ROBO2: variants seen among roughly 807,000 people sequenced by gnomAD.
ROBO2 encodes the protein roundabout homolog 2.
ROBO2 carries 53 observed loss-of-function variants against 160.8 expected under a neutral mutation model. That is an observed-to-expected ratio of 0.33 (90% CI 0.26 to 0.41). ROBO2 has a LOEUF of 0.41. Ranked by LOEUF, ROBO2 falls within the 10% of genes least tolerant of loss-of-function variation. ROBO2 has a pLI of 1.00. For missense variants in ROBO2, 1,577 were observed against 1,722.4 expected (o/e 0.92, Z 1.49); for synonymous variants, 664 against 611.7 (o/e 1.09, Z -1.26).
At chr3:76,429,450 C>T (rs2076350973) in intron 2 of ROBO2, among the ~76,000 whole-genome samples, 1 of 152,102 alleles carries the variant, frequency 6.6e-6, no homozygotes, top group Admixed American at 6.6e-5. Context: ...ATAGATAAAG[C>T]TTTTATGGCT....
chr3:75,966,406 A>T (rs892491975), intron 2 of ROBO2, among the ~76,000 whole-genome samples: 54 of 151,858 alleles, frequency 3.6e-4, no homozygotes, highest in African/African-American at 1.3e-3. Flanking sequence ...ATGTTTTTAG[A>T]TCAACAGTTT....
chr3:76,745,328 G>T (rs536731356), intron 2 of ROBO2, among the ~76,000 whole-genome samples: 1 of 152,070 alleles, frequency 6.6e-6, no homozygotes, highest in South Asian at 2.1e-4. Flanking sequence ...TTTACTCCAG[G>T]TTCTTTGATT....
intron 2 of ROBO2, among the ~76,000 whole-genome samples, chr3:76,161,915 G>A (rs1331685477): frequency 6.6e-6 from 1 of 152,140 alleles, no homozygotes; most frequent in Admixed American, 6.6e-5. Flanking sequence ...ATGAAAGGGT[G>A]ACCTTTGAAA....
At chr3:76,853,834 T>C (rs1404654120) in intron 2 of ROBO2, among the ~76,000 whole-genome samples, 1 of 152,132 alleles carries the variant, frequency 6.6e-6, no homozygotes, top group Non-Finnish European at 1.5e-5. Context: ...TAAAATTTTA[T>C]TTTTTGTGTT....
chr3:77,329,792 G>A (rs2065802584), intron 2 of ROBO2, among the ~76,000 whole-genome samples: 1 of 152,154 alleles, frequency 6.6e-6, no homozygotes, highest in South Asian at 2.1e-4. Context: ...GTGTTGACCA[G>A]ATTATAACCT....
intron 2 of ROBO2, among the ~76,000 whole-genome samples, chr3:77,166,724 A>ATT (rs559669191): frequency 2.6e-5 from 4 of 151,010 alleles, no homozygotes; most frequent in African/African-American, 9.7e-5. Context: ...CTCCCGGCTA[A>ATT]TTTTTTTTTG....
chr3:77,257,605 A>AGGGCAGTGCAGTCTGTATGT (rs1474944564), intron 2 of ROBO2, among the ~76,000 whole-genome samples: 16 of 152,232 alleles, frequency 1.1e-4, no homozygotes, highest in African/African-American at 3.9e-4. Context: ...AAAATAAAGA[A>AGGGCAGTGCAGTCTGTATGT]GGGCAGTGCA....
intron 2 of ROBO2, among the ~76,000 whole-genome samples, chr3:77,019,018 A>T (rs758081731): frequency 6.6e-6 from 1 of 152,210 alleles, no homozygotes; most frequent in Non-Finnish European, 1.5e-5. Flanking sequence ...GGTGTGGGGC[A>T]ACAAGAGCAT....
At chr3:77,099,922 A>G (rs2071665666) in intron 2 of ROBO2, among the ~76,000 whole-genome samples, 1 of 152,078 alleles carries the variant, frequency 6.6e-6, no homozygotes, top group Admixed American at 6.5e-5. Flanking sequence ...ACTCTAAATG[A>G]AATCTGGTCT....
chr3:77,461,462 A>G (rs1402730800), intron 2 of ROBO2, among the ~76,000 whole-genome samples: 1 of 152,046 alleles, frequency 6.6e-6, no homozygotes, highest in Non-Finnish European at 1.5e-5. Flanking sequence ...ACCATCAAGT[A>G]TCCTGTATGA....
chr3:76,270,235 G>A (rs528881990), intron 2 of ROBO2, among the ~76,000 whole-genome samples: 39 of 152,106 alleles, frequency 2.6e-4, no homozygotes, highest in Admixed American at 5.2e-4. Context: ...CTGCCAAAAG[G>A]AATATTTAAG....
At chr3:76,858,897 G>A (rs1246973621) in intron 2 of ROBO2, among the ~76,000 whole-genome samples, 1 of 152,180 alleles carries the variant, frequency 6.6e-6, no homozygotes, top group Non-Finnish European at 1.5e-5. Flanking sequence ...GATCTGTCCT[G>A]GAAGATAGAA....
At chr3:76,886,317 A>G (rs965019170) in intron 2 of ROBO2, among the ~76,000 whole-genome samples, 1 of 152,118 alleles carries the variant, frequency 6.6e-6, no homozygotes, top group African/African-American at 2.4e-5. Context: ...AGCTTTGGAA[A>G]AGCAAGGACA....
At chr3:77,435,304 A>G (rs966066841) in intron 2 of ROBO2, among the ~76,000 whole-genome samples, 1 of 151,998 alleles carries the variant, frequency 6.6e-6, no homozygotes, top group African/African-American at 2.4e-5. Context: ...CGAAAAAAGA[A>G]AAAACACCTC....
chr3:76,610,390 C>T (rs75417803), intron 2 of ROBO2, among the ~76,000 whole-genome samples: 1 of 152,160 alleles, frequency 6.6e-6, no homozygotes, highest in East Asian at 1.9e-4. Context: ...TCAGCAGCTC[C>T]GTGCTCAGCC....
chr3:77,497,586 G>T (rs1390094462), intron 5 of ROBO2, among the ~76,000 whole-genome samples: 1 of 152,210 alleles, frequency 6.6e-6, no homozygotes, highest in Admixed American at 6.5e-5. Context: ...ATACAGTAAA[G>T]AAGTAAATTG....
chr3:76,704,322 T>A (rs2093111811), intron 2 of ROBO2, among the ~76,000 whole-genome samples: 1 of 152,144 alleles, frequency 6.6e-6, no homozygotes, highest in Non-Finnish European at 1.5e-5. Flanking sequence ...TAATTTGAAT[T>A]TCACTTCCAA....
chr3:76,493,001 ACAGTTGAAGTATTTG>A (rs1237425093), intron 2 of ROBO2, among the ~76,000 whole-genome samples: 6 of 152,058 alleles, frequency 3.9e-5, no homozygotes, highest in Non-Finnish European at 4.4e-5. Context: ...ATAATGCCTC[ACAGTTGAAGTATTTG>A]CACTCACTGG....
rs374338351 is a variant in ROBO2, at chr3:76,105,784, G to A, written c.109+168182G>A. On this transcript the variant is annotated intron_variant, in intron 2 of 26. Coordinates refer to the ROBO2 transcript ENST00000487694. ...AGCAAACCAGAATGCGTCTCTGTGA[G>A]GGCAGCTGAGTCCAATAAGGAGAAG... Among the ~76,000 whole-genome samples, 14 of 152,088 alleles carry A rather than the reference G, an allele frequency of 9.2e-5. No individual in the cohort carries two copies. In the East Asian group the frequency reaches 2.7e-3, roughly 29 times the overall value.
Sources: allele counts gnomAD v4.1 joint callset (sites outside exome capture counted in the v4.1 genomes callset), GRCh38; gene constraint gnomAD v4.1.1; transcripts MANE v1.5; gene names NCBI Gene and HGNC (gene_info 2026-07-23, HGNC 2026-07-21).